Variants in OAF observed in about 807,000 individuals in gnomAD.
The protein encoded by OAF is out at first protein homolog.
In OAF, 13 loss-of-function variants were observed where a neutral mutation model predicts 22.5. The ratio of observed to expected loss-of-function variants is 0.58; its 90% CI spans 0.38 to 0.92. The LOEUF is 0.92. Ranked by LOEUF, OAF falls within the 40% of genes least tolerant of loss-of-function variation. The pLI is 0.00. For missense variants in OAF, 347 were observed against 381.8 expected, an observed-to-expected ratio of 0.91 and a Z score of 0.76; for synonymous variants, 175 against 170.5, an observed-to-expected ratio of 1.03 and a Z score of -0.21.
rs999808302 is a variant in OAF, at chr11:120,229,515, C to G, written c.*373C>G. On this transcript the variant is annotated 3_prime_UTR_variant, in exon 4 of 4. Transcript: ENST00000328965. ...TTTAGACCCTAAAAGGAGTCTATAC[C>G]TGGACACCCACCTCCCCAGACACAA... The G allele has an allele frequency of 4.6e-6, 1 of 216,156 alleles. No individual in the cohort carries two copies. The highest frequency in any genetic ancestry group is 9.6e-6 in the Non-Finnish European group (1 of 104,244). 13.4% of individuals were successfully genotyped at this position (216,156 alleles called of 1,614,324 possible).
intron 3 of OAF, among the ~76,000 whole-genome samples, chr11:120,227,517 G>A (rs1938377198): frequency 6.6e-6 from 1 of 152,056 alleles, no homozygotes; most frequent in Non-Finnish European, 1.5e-5. Flanking sequence ...AGGACACCCT[G>A]CCCCCCTCCA....
intron 1 of OAF, among the ~76,000 whole-genome samples, chr11:120,218,409 G>A (rs1938239986): frequency 1.3e-5 from 2 of 152,328 alleles, no homozygotes; most frequent in African/African-American, 4.8e-5. Context: ...GCTTTGCCGT[G>A]GGGCTAGGAA....
In OAF at chr11:120,229,295, T is replaced by A. The variant is rs1938405733; in HGVS notation, c.*153T>A. ...CCCCTCTGGCCCCATCTCACATGACTGTGAAGGGGGTGTGGCATGGCAGGG... is the reference window on the plus strand; with the variant it reads ...CCCCTCTGGCCCCATCTCACATGACAGTGAAGGGGGTGTGGCATGGCAGGG... On this transcript the variant is annotated 3_prime_UTR_variant, in exon 4 of 4. Transcript: ENST00000328965. 5 of 691,574 alleles carry A rather than the reference T, an allele frequency of 7.2e-6. No individual in the cohort carries two copies. Among genetic ancestry groups the A allele is most frequent in the Non-Finnish European group, 9.6e-6 (4 of 418,820 alleles). 42.8% of individuals were successfully genotyped at this position (691,574 alleles called of 1,614,324 possible). A position where few individuals can be genotyped will look rare whatever the true frequency, so the allele number is the denominator to read the frequency against.
chr11:120,218,728 G>A (rs1057055034), intron 1 of OAF, among the ~76,000 whole-genome samples: 1 of 152,208 alleles, frequency 6.6e-6, no homozygotes, highest in Non-Finnish European at 1.5e-5. Flanking sequence ...GACCAGCACT[G>A]GACAGTGGTG....
chr11:120,212,365 C>T (rs1313857942), intron 1 of OAF, among the ~76,000 whole-genome samples: 1 of 151,728 alleles, frequency 6.6e-6, no homozygotes, highest in Non-Finnish European at 1.5e-5. Context: ...ATAAGAAGGG[C>T]CTTGCACCCA....
chr11:120,225,620 C>T lies in OAF; in HGVS notation c.232-41C>T, dbSNP rs1228541021. 9 of 1,531,706 alleles carry T rather than the reference C, an allele frequency of 5.9e-6. No homozygotes were observed. The East Asian group carries it at 1.5e-4, about 26-fold the overall frequency. 94.9% of individuals were successfully genotyped at this position (1,531,706 alleles called of 1,614,324 possible). ...CACCCGGTGGGCCAGTGGGAAGGTCCCACACCCTCCAGCCGTTCCCATCCT... is the reference window on the plus strand; with the variant it reads ...CACCCGGTGGGCCAGTGGGAAGGTCTCACACCCTCCAGCCGTTCCCATCCT... On this transcript the variant is annotated intron_variant, in intron 1 of 3. Transcript: ENST00000328965.
intron 2 of OAF, 93 bp from the exon 3 acceptor site, chr11:120,226,723 T>A: frequency 1.6e-6 from 2 of 1,213,852 alleles, no homozygotes; most frequent in Admixed American, 4.3e-5. Flanking sequence ...CTAAAGGCAG[T>A]CAGCTTGGGC....
chr11:120,227,022 G>C, intron 3 of OAF, 26 bp downstream of exon 3: 1 of 1,553,600 alleles, frequency 6.4e-7, no homozygotes, highest in Non-Finnish European at 8.8e-7. Context: ...GGCACTGCCC[G>C]CTGCTGGGCG....
chr11:120,219,165 G>GCCTGGGGAA, intron 1 of OAF, among the ~76,000 whole-genome samples: 1 of 152,120 alleles, frequency 6.6e-6, no homozygotes, highest in African/African-American at 2.4e-5. Context: ...ACGGTGGGGA[G>GCCTGGGGAA]CCGCCTCTGC....
chr11:120,222,549 C>T (rs1034802416), intron 1 of OAF, among the ~76,000 whole-genome samples: 8 of 147,948 alleles, frequency 5.4e-5, no homozygotes, highest in Admixed American at 2.0e-4. Context: ...GAATAAGACT[C>T]GGTCTCCAAA....
At chr11:120,222,932 A>C (rs200237715) in intron 1 of OAF, among the ~76,000 whole-genome samples, 1 of 127,696 alleles carries the variant, frequency 7.8e-6, no homozygotes, top group Non-Finnish European at 1.7e-5. Context: ...CAAAACAAAA[A>C]ACAAAAAAAG....
chr11:120,225,834 C>T, intron 2 of OAF, 39 bp downstream of exon 2: 8 of 1,575,096 alleles, frequency 5.1e-6, no homozygotes, highest in Non-Finnish European at 6.9e-6. Flanking sequence ...CAGGTCCTGA[C>T]CCGCAGCAGA....
Sources: gnomAD v4.1 joint callset for allele counts (sites outside exome capture counted in the v4.1 genomes callset) on GRCh38, gnomAD v4.1.1 for gene constraint, MANE v1.5 for transcripts, NCBI Gene and HGNC (gene_info 2026-07-23, HGNC 2026-07-21) for gene names.